AMPH: variants seen among roughly 807,000 people sequenced by gnomAD.
AMPH encodes the protein amphiphysin, also known as amphiphysin (Stiff-Mann syndrome with breast cancer 128kD autoantigen).
In AMPH, 49 loss-of-function variants were observed where a neutral mutation model predicts 99.1. The ratio of observed to expected loss-of-function variants is 0.49; its 90% CI spans 0.39 to 0.63. The LOEUF (loss-of-function observed/expected upper bound fraction) is 0.63, where lower values mean the gene tolerates loss of function less well. Among genes scored for constraint, AMPH ranks in the 20% least tolerant of loss-of-function variants. AMPH has a pLI of 0.00. For synonymous variants in AMPH, 314 were observed against 317.3 expected (o/e 0.99, Z 0.11); for missense variants, 759 against 863.4 (o/e 0.88, Z 1.52).
intron 1 of AMPH, among the ~76,000 whole-genome samples, chr7:38,604,091 C>A (rs1584295085): frequency 6.6e-6 from 1 of 152,304 alleles, no homozygotes; most frequent in East Asian, 1.9e-4. Flanking sequence ...AATAGACACA[C>A]AAGTGTGATT....
At chr7:38,524,834 C>T (rs1468348267) in intron 2 of AMPH, among the ~76,000 whole-genome samples, 1 of 152,112 alleles carries the variant, frequency 6.6e-6, no homozygotes, top group Non-Finnish European at 1.5e-5. Context: ...GGGCCCACAT[C>T]CTCCTGAGAT....
At chr7:38,429,501 AT>A (rs745543323) in intron 14 of AMPH, 2 of 1,346,698 alleles carry the variant, frequency 1.5e-6, no homozygotes, top group East Asian at 4.4e-5. Flanking sequence ...AGATCTTTGA[AT>A]TTCTTCGGCC....
chr7:38,581,919 G>A (rs900536896), intron 1 of AMPH, among the ~76,000 whole-genome samples: 7 of 152,106 alleles, frequency 4.6e-5, no homozygotes, highest in Non-Finnish European at 1.0e-4. Context: ...GAGATGGGGT[G>A]CTCATTTTTT....
chr7:38,386,151 C>G (rs1180720373), intron 20 of AMPH, among the ~76,000 whole-genome samples: 1 of 152,008 alleles, frequency 6.6e-6, no homozygotes, highest in Non-Finnish European at 1.5e-5. Flanking sequence ...AGGAAAAAAA[C>G]GACTCAATAA....
chr7:38,395,878 G>A (rs553417412), intron 17 of AMPH, among the ~76,000 whole-genome samples: 28 of 152,254 alleles, frequency 1.8e-4, no homozygotes, highest in African/African-American at 5.5e-4. Context: ...TTTTAAAAAC[G>A]TTTCTGCTGG....
chr7:38,391,683 A>G, intron 19 of AMPH, 65 bp downstream of exon 19: 1 of 1,536,922 alleles, frequency 6.5e-7, no homozygotes, highest in Non-Finnish European at 8.8e-7. Flanking sequence ...CTGGAAAACC[A>G]AAGGCTTGAG....
In AMPH at chr7:38,476,856, C is replaced by T; in HGVS notation, c.504+6G>A. On this transcript the variant is annotated splice_donor_region_variant and intron_variant, in intron 6 of 20. Transcript: ENST00000356264. Reference sequence around the variant, plus strand: ...GAGTGGTATTCACCATGGGCTCAATCCCTACCTTAGAGATTCGACTCTCAT... The same window carrying T: ...GAGTGGTATTCACCATGGGCTCAATTCCTACCTTAGAGATTCGACTCTCAT... 1 of 1,610,980 alleles carries T rather than the reference C, an allele frequency of 6.2e-7. No homozygotes were observed. Among genetic ancestry groups the T allele is most frequent in the South Asian group, 1.1e-5 (1 of 90,966 alleles).
At chr7:38,437,663 G>T (rs1208464252) in intron 11 of AMPH, among the ~76,000 whole-genome samples, 3 of 118,514 alleles carry the variant, frequency 2.5e-5, no homozygotes, top group Non-Finnish European at 3.5e-5. Flanking sequence ...AATTAGTTGG[G>T]CATGGTGGTG....
chr7:38,563,231 C>T lies in AMPH; in HGVS notation c.70-28220G>A, dbSNP rs1026166233. 5.4e-5 allele frequency among the ~76,000 whole-genome samples: 8 copies of T among 149,116 alleles called. No individual in the cohort carries two copies. The South Asian group carries it at 1.5e-3, about 28-fold the overall frequency. On this transcript the variant is annotated intron_variant, in intron 1 of 20. Transcript: ENST00000356264. The stretch of plus-strand genomic sequence containing the variant: ...GCCTATTAATTGCACACATAAATGC[C>T]CCCATAGAACCAACCAGTCTTCTGT...
chr7:38,403,953 C>T (rs572400714), intron 17 of AMPH, among the ~76,000 whole-genome samples: 1 of 152,290 alleles, frequency 6.6e-6, no homozygotes, highest in Admixed American at 6.5e-5. Flanking sequence ...AGCCCATCTT[C>T]CCCTCCCTAA....
At chr7:38,400,711 T>A (rs190256646) in intron 17 of AMPH, among the ~76,000 whole-genome samples, 217 of 152,350 alleles carry the variant, frequency 1.4e-3, no homozygotes, top group Middle Eastern at 0.01. Flanking sequence ...CATTCATACA[T>A]TCATTCACTC....
At chr7:38,493,678 T>G (rs1218467042) in intron 4 of AMPH, among the ~76,000 whole-genome samples, 5 of 152,134 alleles carry the variant, frequency 3.3e-5, no homozygotes, top group Admixed American at 6.5e-5. Flanking sequence ...GACTTTGTGC[T>G]TGTCTTCGTG....
chr7:38,626,828 A>G (rs541458117), intron 1 of AMPH, among the ~76,000 whole-genome samples: 1 of 152,362 alleles, frequency 6.6e-6, no homozygotes, highest in African/African-American at 2.4e-5. Context: ...GCAAATTTAC[A>G]AGAAAAAAAC....
intron 17 of AMPH, among the ~76,000 whole-genome samples, chr7:38,403,732 T>C (rs71548610): frequency 0.013 from 2,007 of 152,254 alleles, 20 homozygotes; most frequent in South Asian, 0.028. Flanking sequence ...ATGGTGCTGA[T>C]TTCTGAAAGG....
At chr7:38,423,811 G>A (rs1249161057) in intron 15 of AMPH, among the ~76,000 whole-genome samples, 1 of 152,130 alleles carries the variant, frequency 6.6e-6, no homozygotes, top group Non-Finnish European at 1.5e-5. Flanking sequence ...CTATTACAAA[G>A]TCATCAGACC....
chr7:38,420,419 T>C (rs1381087354), intron 16 of AMPH, among the ~76,000 whole-genome samples: 1 of 152,202 alleles, frequency 6.6e-6, no homozygotes, highest in Admixed American at 6.5e-5. Context: ...TGCAAATGGG[T>C]TGATCCCATG....
chr7:38,406,713 CCTCTCTCTCTCCCTTTCCCTCT>C (rs1350980532), intron 17 of AMPH, among the ~76,000 whole-genome samples: 1 of 111,036 alleles, frequency 9.0e-6, no homozygotes, highest in Admixed American at 1.0e-4. Flanking sequence ...TCTCTCCTCT[CCTCTCTCTCTCCCTTTCCCTCT>C]CTCTCTCTCT....
At chr7:38,598,170 CAAGAT>C (rs2129060427) in intron 1 of AMPH, among the ~76,000 whole-genome samples, 1 of 152,294 alleles carries the variant, frequency 6.6e-6, no homozygotes, top group Non-Finnish European at 1.5e-5. Context: ...TAATATCCAA[CAAGAT>C]AAGGTCAACT....
At position 38,384,660 on chromosome 7, in the gene AMPH, AT is replaced by A; in HGVS notation, c.*157del. 6 of 582,530 alleles carry A rather than the reference AT, an allele frequency of 1.0e-5. No individual in the cohort carries two copies. Among genetic ancestry groups the A allele is most frequent in the Non-Finnish European group, 9.1e-6 (3 of 330,382 alleles). 36.1% of individuals were successfully genotyped at this position (582,530 alleles called of 1,614,324 possible). On this transcript the variant is annotated 3_prime_UTR_variant, in exon 21 of 21. Coordinates refer to ENST00000356264, the MANE Select transcript of AMPH (RefSeq NM_001635.4). The stretch of plus-strand genomic sequence containing the variant: ...CTTAATTTACTTTTTTTCCTCTTAC[AT>A]TTTTTTGCACACATGCTCCATTGAT...
Sources: gnomAD v4.1 joint callset for allele counts (sites outside exome capture counted in the v4.1 genomes callset) on GRCh38, gnomAD v4.1.1 for gene constraint, MANE v1.5 for transcripts, NCBI Gene and HGNC (gene_info 2026-07-23, HGNC 2026-07-21) for gene names.